The following PCNX2 variants were observed in gnomAD, a reference collection of about 807,000 sequenced individuals.
The protein encoded by PCNX2 is pecanex-like protein 2.
A neutral mutation model predicts 223.8 loss-of-function variants in PCNX2; 168 were observed. That is an observed-to-expected ratio of 0.75 (90% CI 0.66 to 0.85). PCNX2 has a LOEUF of 0.85. Ranked by LOEUF, PCNX2 falls within the 40% of genes least tolerant of loss-of-function variation. The pLI is 0.00. For synonymous variants in PCNX2, 1,006 were observed against 1,052.6 expected, an observed-to-expected ratio of 0.96 and a Z score of 0.86; for missense variants, 2,507 against 2,675.5, an observed-to-expected ratio of 0.94 and a Z score of 1.39.
rs1161527473 is a variant in PCNX2, at chr1:233,258,656, C to T, written c.1206G>A (p.Glu402=). 1.9e-6 allele frequency: 3 copies of T among 1,613,886 alleles called. No homozygotes were observed. The highest frequency in any genetic ancestry group is 1.3e-5 in the African/African-American group (1 of 74,926). The part of the protein sequence containing the change: ...SSLHLRVVGT[E]KTSVKSDAEP... Reference sequence around the variant, plus strand: ...CAGCGTCAGACTTTACACTGGTCTTCTCTGTGCCAACCACCCTCAGGTGGA... The same window carrying T: ...CAGCGTCAGACTTTACACTGGTCTTTTCTGTGCCAACCACCCTCAGGTGGA... The change falls in exon 5 of 34, where the codon GAG becomes GAA. Residue 402 remains glutamate, a synonymous_variant. Coordinates refer to ENST00000258229, the MANE Select transcript of PCNX2 (RefSeq NM_014801.4).
chr1:233,217,766 ATT>A, intron 12 of PCNX2, 131 bp downstream of exon 12: 1 of 877,594 alleles, frequency 1.1e-6, no homozygotes, highest in Non-Finnish European at 1.7e-6. Context: ...ATATATATAT[ATT>A]TGATATTTCT....
At chr1:233,189,055 C>T (rs984229697) in intron 15 of PCNX2, among the ~76,000 whole-genome samples, 5 of 152,302 alleles carry the variant, frequency 3.3e-5, no homozygotes, top group African/African-American at 9.6e-5. Context: ...CACCACTTAA[C>T]AGGAACTTTT....
Position 233,001,719 on chromosome 1 carries a change from A to T in PCNX2, c.4953-38T>A. 6.7e-7 allele frequency: 1 copy of T among 1,483,832 alleles called. No individual in the cohort carries two copies. The highest frequency in any genetic ancestry group is 9.0e-7 in the Non-Finnish European group (1 of 1,105,880). 91.9% of individuals were successfully genotyped at this position (1,483,832 alleles called of 1,614,324 possible). A position where few individuals can be genotyped will look rare whatever the true frequency, so the allele number is the denominator to read the frequency against. ...GTCCTATTACTATGGAACAAATTTC[A>T]GAATCCTGTCATTGTGAGCAAAGTT... On this transcript the variant is annotated intron_variant, in intron 28 of 33. Coordinates refer to ENST00000258229, the MANE Select transcript of PCNX2 (RefSeq NM_014801.4). This position sits in a 1 kb window ranked among gnomAD's most constrained non-coding sequence, Gnocchi z 4.2.
At chr1:233,033,981 AG>A (rs1388746811) in intron 25 of PCNX2, among the ~76,000 whole-genome samples, 2 of 152,172 alleles carry the variant, frequency 1.3e-5, no homozygotes, top group African/African-American at 4.8e-5. Flanking sequence ...TGGGAGGCTG[AG>A]GCAGGTGGAT....
At chr1:233,230,022 C>G (rs701175) in intron 9 of PCNX2, among the ~76,000 whole-genome samples, 97,544 of 152,020 alleles carry the variant, frequency 0.64, 31,476 homozygotes, top group East Asian at 0.76. Context: ...TGTTTTCACT[C>G]ATTGAACAAA....
chr1:233,049,556 A>G (rs1362165854), intron 25 of PCNX2, among the ~76,000 whole-genome samples: 4 of 152,202 alleles, frequency 2.6e-5, no homozygotes, highest in African/African-American at 7.2e-5. Context: ...GAACAAGACA[A>G]GGATGCCCAC....
In PCNX2 at chr1:233,003,789, T is replaced by C. The variant is rs954353154; in HGVS notation, c.4953-2108A>G. Among the ~76,000 whole-genome samples, 7 of 152,196 alleles carry C rather than the reference T, an allele frequency of 4.6e-5. 1 individual carries two copies. Among genetic ancestry groups the C allele is most frequent in the Non-Finnish European group, 1.0e-4 (7 of 68,036 alleles). ...AATGATAGACTGGATAAAGAAAATG[T>C]GGCATATATACACCATGGAATACTA... On this transcript the variant is annotated intron_variant, in intron 28 of 33. Coordinates refer to ENST00000258229, the MANE Select transcript of PCNX2 (RefSeq NM_014801.4).
intron 23 of PCNX2, among the ~76,000 whole-genome samples, chr1:233,062,899 C>CCCCT (rs1490034479): frequency 6.6e-6 from 1 of 152,090 alleles, no homozygotes; most frequent in African/African-American, 2.4e-5. Context: ...AATAGGTAAT[C>CCCCT]CCCTACAAAG....
At chr1:232,998,711 A>G (rs1413122833) in intron 31 of PCNX2, among the ~76,000 whole-genome samples, 2 of 152,216 alleles carry the variant, frequency 1.3e-5, no homozygotes, top group South Asian at 2.1e-4. Context: ...GTCTTCAGGC[A>G]AAACTTCTTA....
chr1:233,293,683 T>C (rs1042464821), intron 1 of PCNX2, among the ~76,000 whole-genome samples: 1 of 152,234 alleles, frequency 6.6e-6, no homozygotes, highest in Non-Finnish European at 1.5e-5. Flanking sequence ...GGCTATCTCT[T>C]ACTGAGCACT....
At position 233,253,641 on chromosome 1, in the gene PCNX2, C is replaced by T. The variant is rs1017656748; in HGVS notation, c.1835-853G>A. Among the ~76,000 whole-genome samples, 1 of 152,196 alleles carries T rather than the reference C, an allele frequency of 6.6e-6. No individual in the cohort carries two copies. Among genetic ancestry groups the T allele is most frequent in the Non-Finnish European group, 1.5e-5 (1 of 68,034 alleles). ...GATTACAGGCATGAGCCACCACACC[C>T]GGCCTGCTGATTTTGAACAATATGC... On this transcript the variant is annotated intron_variant, in intron 5 of 33. Coordinates refer to ENST00000258229, the MANE Select transcript of PCNX2 (RefSeq NM_014801.4). The surrounding 1 kb of genome is among the most constrained non-coding windows in gnomAD (Gnocchi z 4.2).
At chr1:233,182,040 C>T (rs767803617) in intron 15 of PCNX2, among the ~76,000 whole-genome samples, 5 of 152,304 alleles carry the variant, frequency 3.3e-5, no homozygotes, top group South Asian at 2.1e-4. Flanking sequence ...TCTGTCAAGC[C>T]GGGTAACTCC....
intron 21 of PCNX2, among the ~76,000 whole-genome samples, chr1:233,119,249 C>T (rs1404427231): frequency 2.0e-5 from 3 of 151,198 alleles, no homozygotes; most frequent in African/African-American, 4.9e-5. Context: ...AAGTATAAAA[C>T]GAAAAGTATA....
intron 21 of PCNX2, among the ~76,000 whole-genome samples, chr1:233,129,307 C>T (rs114641409): frequency 0.011 from 1,653 of 152,326 alleles, 13 homozygotes; most frequent in Non-Finnish European, 0.016. Context: ...ACCGGTGCTG[C>T]CCTCGATTTC....
chr1:233,308,843 A>C, the PCNX2 span, among the ~76,000 whole-genome samples: 1 of 152,202 alleles, frequency 6.6e-6, no homozygotes, highest in South Asian at 2.1e-4. Flanking sequence ...TTTTAAAGTA[A>C]AAGAAACAAA....
In PCNX2 at chr1:233,260,957, T is replaced by C. The variant is rs569980697; in HGVS notation, c.517+328A>G. ...TCATTTTTTGATGTATATGCTATAATACAAATTTTTATATGGATGATAATT... is the reference window on the plus strand; with the variant it reads ...TCATTTTTTGATGTATATGCTATAACACAAATTTTTATATGGATGATAATT... On this transcript the variant is annotated intron_variant, in intron 4 of 33. Transcript: ENST00000258229. 5.3e-5 allele frequency among the ~76,000 whole-genome samples: 8 copies of C among 152,298 alleles called. No homozygotes were observed. In the South Asian group the frequency reaches 1.7e-3, roughly 32 times the overall value.
intron 10 of PCNX2, 33 bp from the exon 11 acceptor site, chr1:233,218,217 A>ACC: frequency 4.0e-6 from 3 of 758,798 alleles, no homozygotes; most frequent in Non-Finnish European, 5.3e-6. Context: ...AGCAAAAAAA[A>ACC]AAAAAAAAAA....
chr1:233,136,354 C>G (rs1381935798), intron 20 of PCNX2, among the ~76,000 whole-genome samples: 7 of 152,156 alleles, frequency 4.6e-5, no homozygotes, highest in Admixed American at 4.6e-4. Flanking sequence ...TTATGAATAT[C>G]TTATCCCAGA....
At chr1:233,226,211 T>G (rs371502284) in intron 10 of PCNX2, among the ~76,000 whole-genome samples, 2 of 152,154 alleles carry the variant, frequency 1.3e-5, no homozygotes, top group African/African-American at 4.8e-5. Context: ...AATTTTGAGG[T>G]AGGAAAAGAT....
Sources: allele counts gnomAD v4.1 joint callset (sites outside exome capture counted in the v4.1 genomes callset), GRCh38; gene constraint gnomAD v4.1.1; non-coding constraint Gnocchi (gnomAD v3.1); transcripts MANE v1.5; gene names NCBI Gene and HGNC (gene_info 2026-07-23, HGNC 2026-07-21).